GSG1L: variants seen among roughly 807,000 people sequenced by gnomAD.
GSG1L encodes germ cell-specific gene 1-like protein.
Under a neutral mutation model 42.1 loss-of-function variants are expected in GSG1L, and 24 were observed. The ratio of observed to expected loss-of-function variants is 0.57; its 90% CI spans 0.41 to 0.80. The LOEUF (loss-of-function observed/expected upper bound fraction) is 0.80, where lower values mean the gene tolerates loss of function less well. Ranked by LOEUF, GSG1L falls within the 30% of genes least tolerant of loss-of-function variation. The pLI is 0.00. For missense variants in GSG1L, 445 were observed against 472.2 expected, an observed-to-expected ratio of 0.94 and a Z score of 0.53; for synonymous variants, 215 against 203.5, an observed-to-expected ratio of 1.06 and a Z score of -0.48.
intron 5 of GSG1L, among the ~76,000 whole-genome samples, chr16:27,825,072 G>A (rs181399791): frequency 6.6e-5 from 10 of 152,300 alleles, no homozygotes; most frequent in East Asian, 3.9e-4. Context: ...GACCTACACC[G>A]AGCAATCACA....
chr16:27,825,191 A>T (rs2083195948), intron 5 of GSG1L, among the ~76,000 whole-genome samples: 1 of 152,206 alleles, frequency 6.6e-6, no homozygotes, highest in African/African-American at 2.4e-5. Flanking sequence ...AGGCCTCCAA[A>T]GACAAGAGTC....
At chr16:27,841,801 C>T (rs963255375) in intron 4 of GSG1L, among the ~76,000 whole-genome samples, 8 of 152,162 alleles carry the variant, frequency 5.3e-5, no homozygotes, top group African/African-American at 1.4e-4. Flanking sequence ...AGCAGAGGAG[C>T]AGGGCAGAAA....
At chr16:27,794,009 TTTTGTTTG>T (rs71140911) in intron 6 of GSG1L, among the ~76,000 whole-genome samples, 11,929 of 151,906 alleles carry the variant, frequency 0.079, 609 homozygotes, top group Admixed American at 0.11. Flanking sequence ...TAAACTGTTT[TTTTGTTTG>T]TTTGTTTGTT....
rs370841483 is a variant in GSG1L, at chr16:27,789,933, T to C, written c.*1437A>G. Reference sequence around the variant, plus strand: ...TGGGTGGATAATGGATTAATGATGATGGAGGGATGAATGAAAAATGGATGA... The same window carrying C: ...TGGGTGGATAATGGATTAATGATGACGGAGGGATGAATGAAAAATGGATGA... On this transcript the variant is annotated 3_prime_UTR_variant, in exon 7 of 7. Transcript: ENST00000447459. The C allele has an allele frequency of 2.1e-5, 3 of 146,242 alleles. No homozygotes were observed. Among genetic ancestry groups the C allele is most frequent in the East Asian group, 2.1e-4 (1 of 4,760 alleles). The allele number at this position is 146,242 out of a possible 1,614,324, so 9.1% of individuals were successfully genotyped here.
intron 1 of GSG1L, among the ~76,000 whole-genome samples, chr16:28,036,062 C>T (rs1267395557): frequency 1.3e-5 from 2 of 152,110 alleles, no homozygotes; most frequent in South Asian, 2.1e-4. Flanking sequence ...TATTCTTCCC[C>T]CACATCCACC....
At chr16:27,948,946 C>A (rs1456618317) in intron 2 of GSG1L, among the ~76,000 whole-genome samples, 1 of 78,124 alleles carries the variant, frequency 1.3e-5, no homozygotes, top group Non-Finnish European at 2.6e-5. Context: ...GAGAAAAGAT[C>A]TCATTCTGTT....
intron 6 of GSG1L, among the ~76,000 whole-genome samples, chr16:27,796,000 C>G (rs1355557424): frequency 6.6e-6 from 1 of 152,174 alleles, no homozygotes; most frequent in Non-Finnish European, 1.5e-5. Context: ...GTCAATGCCA[C>G]CACAAATGTA....
intron 4 of GSG1L, among the ~76,000 whole-genome samples, chr16:27,830,146 G>A (rs1240229240): frequency 6.6e-6 from 1 of 152,160 alleles, no homozygotes; most frequent in Admixed American, 6.5e-5. Context: ...TCAAGACTAT[G>A]CATTCAACGT....
chr16:27,816,237 A>C lies in GSG1L; in HGVS notation c.831-8683T>G, dbSNP rs1401830354. Among the ~76,000 whole-genome samples, 11 of 152,202 alleles carry C rather than the reference A, an allele frequency of 7.2e-5. No homozygotes were observed. The East Asian group carries it at 2.1e-3, about 29-fold the overall frequency. On this transcript the variant is annotated intron_variant, in intron 5 of 6. Transcript: ENST00000447459. The stretch of plus-strand genomic sequence containing the variant: ...TCCTTTCCTCCATTCCAGCATTTAG[A>C]GCTGTCGCTGTCATTGCCTCAGGAA...
At chr16:27,981,411 T>C (rs1310603212) in intron 1 of GSG1L, among the ~76,000 whole-genome samples, 2 of 152,138 alleles carry the variant, frequency 1.3e-5, no homozygotes, top group Non-Finnish European at 2.9e-5. Flanking sequence ...CTGGCCAGAT[T>C]CAAGGAATTC....
chr16:27,791,783 C>A (rs1293398883), intron 6 of GSG1L, among the ~76,000 whole-genome samples: 1 of 152,026 alleles, frequency 6.6e-6, no homozygotes, highest in Non-Finnish European at 1.5e-5. Context: ...AACCCACAGC[C>A]CAGAACCCGC....
chr16:27,855,741 G>A lies in GSG1L; in HGVS notation c.551-10680C>T, dbSNP rs199646242. 7.8e-3 allele frequency among the ~76,000 whole-genome samples: 871 copies of A among 111,844 alleles called. 11 individuals are homozygous for A. Among genetic ancestry groups the A allele is most frequent in the African/African-American group, 0.012 (357 of 29,058 alleles). The allele number at this position is 111,844 out of a possible 152,430, so 73.4% of individuals were successfully genotyped here. ...TCTCAAAAAAAAAAAAAAAAAAAAAGAGACCAACGGAACAGACATGGCCCC... is the reference window on the plus strand; with the variant it reads ...TCTCAAAAAAAAAAAAAAAAAAAAAAAGACCAACGGAACAGACATGGCCCC... On this transcript the variant is annotated intron_variant, in intron 3 of 6. Coordinates refer to ENST00000447459, the MANE Select transcript of GSG1L (RefSeq NM_001109763.2).
chr16:27,898,759 G>C (rs1382723031), intron 2 of GSG1L, among the ~76,000 whole-genome samples: 1 of 150,084 alleles, frequency 6.7e-6, no homozygotes, highest in African/African-American at 2.5e-5. Context: ...CCTCTCTCTT[G>C]GTACATGTGA....
chr16:27,969,272 CA>C (rs2141114073), intron 1 of GSG1L, among the ~76,000 whole-genome samples: 1 of 152,314 alleles, frequency 6.6e-6, no homozygotes, highest in South Asian at 2.1e-4. Context: ...AGCAGTCACT[CA>C]TTTCCTGCAA....
chr16:28,056,163 A>T (rs1441750586), intron 1 of GSG1L, among the ~76,000 whole-genome samples: 1 of 152,098 alleles, frequency 6.6e-6, no homozygotes, highest in Non-Finnish European at 1.5e-5. Flanking sequence ...GTAAAGACAC[A>T]TGCACAGGCG....
chr16:27,936,786 A>G (rs542759902), intron 2 of GSG1L, among the ~76,000 whole-genome samples: 11 of 152,296 alleles, frequency 7.2e-5, no homozygotes, highest in African/African-American at 2.6e-4. Flanking sequence ...ACTGAAAGCA[A>G]TGACAAAACT....
chr16:27,808,069 C>T (rs1318967609), intron 5 of GSG1L, among the ~76,000 whole-genome samples: 3 of 152,046 alleles, frequency 2.0e-5, no homozygotes, highest in Non-Finnish European at 4.4e-5. Context: ...CTCTTCTTCG[C>T]TAAGCAGCAT....
intron 3 of GSG1L, among the ~76,000 whole-genome samples, chr16:27,854,623 ATGTCCACCTG>A (rs1300839718): frequency 7.2e-5 from 11 of 152,122 alleles, no homozygotes; most frequent in African/African-American, 2.4e-4. Context: ...AAAAAGAGTG[ATGTCCACCTG>A]TGCCCACCTG....
At chr16:27,804,037 GGATAGATAGATAGATAGATAGATA>G (rs557443110) in intron 6 of GSG1L, among the ~76,000 whole-genome samples, 1 of 132,676 alleles carries the variant, frequency 7.5e-6, no homozygotes, top group South Asian at 2.4e-4. Flanking sequence ...TAGATTAGAT[GGATAGATAGATAGATAGATAGATA>G]GATAGATAGA....
Sources: gnomAD v4.1 joint callset for allele counts (sites outside exome capture counted in the v4.1 genomes callset) on GRCh38, gnomAD v4.1.1 for gene constraint, MANE v1.5 for transcripts, NCBI Gene and HGNC (gene_info 2026-07-23, HGNC 2026-07-21) for gene names.